Variants in PTPRD observed in about 807,000 individuals in gnomAD.
PTPRD encodes the protein receptor-type tyrosine-protein phosphatase delta.
Under a neutral mutation model 214.5 loss-of-function variants are expected in PTPRD, and 34 were observed. The ratio of observed to expected loss-of-function variants is 0.16; its 90% confidence interval spans 0.12 to 0.21. PTPRD has a LOEUF of 0.21. PTPRD is among the 10% of genes least tolerant of loss of function. The pLI is 1.00. For missense variants in PTPRD, 2,545 were observed against 2,398.7 expected, an observed-to-expected ratio of 1.06 and a Z score of -1.27; for synonymous variants, 1,128 against 845.7, an observed-to-expected ratio of 1.33 and a Z score of -5.79.
intron 11 of PTPRD, among the ~76,000 whole-genome samples, chr9:8,900,405 C>T (rs2098658314): frequency 6.6e-6 from 1 of 152,134 alleles, no homozygotes; most frequent in South Asian, 2.1e-4. Flanking sequence ...CATCTAAAAA[C>T]TGTAATAAAA....
At chr9:9,810,264 T>A (rs1438503136) in intron 5 of PTPRD, among the ~76,000 whole-genome samples, 1 of 152,100 alleles carries the variant, frequency 6.6e-6, no homozygotes, top group Non-Finnish European at 1.5e-5. Flanking sequence ...GTTAATCAAC[T>A]GCTTGTGTTA....
chr9:9,733,675 T>C (rs1405125622), intron 7 of PTPRD, among the ~76,000 whole-genome samples: 3 of 152,160 alleles, frequency 2.0e-5, no homozygotes, highest in Non-Finnish European at 4.4e-5. Flanking sequence ...CTGCAGTCCA[T>C]CAAGTTAGAA....
chr9:8,512,901 A>G (rs1407992286), intron 21 of PTPRD, among the ~76,000 whole-genome samples: 2 of 152,010 alleles, frequency 1.3e-5, no homozygotes, highest in Admixed American at 1.3e-4. Flanking sequence ...CTTCTTTGTC[A>G]GAGTTTTATT....
chr9:10,568,092 A>C (rs1474164809), intron 2 of PTPRD, among the ~76,000 whole-genome samples: 2 of 150,286 alleles, frequency 1.3e-5, no homozygotes, highest in Non-Finnish European at 3.0e-5. Flanking sequence ...CATTAGGTAT[A>C]TCTCCTAATG....
intron 2 of PTPRD, among the ~76,000 whole-genome samples, chr9:10,365,090 G>A (rs916488278): frequency 1.3e-5 from 2 of 151,994 alleles, no homozygotes; most frequent in Non-Finnish European, 2.9e-5. Flanking sequence ...TACCTCAGGC[G>A]AGACTACATT....
intron 7 of PTPRD, among the ~76,000 whole-genome samples, chr9:9,634,459 C>T (rs1205655556): frequency 1.3e-5 from 2 of 152,010 alleles, no homozygotes; most frequent in East Asian, 3.9e-4. Flanking sequence ...TTATACAATC[C>T]ATGAGACTGT....
intron 8 of PTPRD, among the ~76,000 whole-genome samples, chr9:9,518,533 G>A (rs866999210): frequency 1.3e-5 from 2 of 152,010 alleles, no homozygotes; most frequent in African/African-American, 4.8e-5. Flanking sequence ...GGTCAATGCA[G>A]AAATTGATAT....
chr9:10,221,609 A>G, intron 3 of PTPRD, among the ~76,000 whole-genome samples: 1 of 152,014 alleles, frequency 6.6e-6, no homozygotes, highest in African/African-American at 2.4e-5. Context: ...AAATAATACT[A>G]CATACAATGT....
intron 3 of PTPRD, among the ~76,000 whole-genome samples, chr9:10,266,884 T>C (rs1374382081): frequency 6.6e-6 from 1 of 152,024 alleles, no homozygotes; most frequent in East Asian, 1.9e-4. Context: ...CAGGGAATAA[T>C]TTCTGCCTTT....
At chr9:8,804,670 G>C (rs909570867) in intron 11 of PTPRD, among the ~76,000 whole-genome samples, 1 of 142,896 alleles carries the variant, frequency 7.0e-6, no homozygotes. Context: ...CTGGAGAAAC[G>C]TGTGGCATGA....
rs151328973 is a variant in PTPRD, at chr9:9,466,516, G to A, written c.-236-69034C>T. 3.1e-3 allele frequency among the ~76,000 whole-genome samples: 476 copies of A among 152,206 alleles called. 2 individuals are homozygous for A. The highest frequency in any genetic ancestry group is 4.9e-3 in the Non-Finnish European group (331 of 67,998). ...TAATTTAATTGAAGCAAAGGAACTC[G>A]CTGATGAATTATTTTCATTTAATTA... On this transcript the variant is annotated intron_variant, in intron 8 of 45. Coordinates refer to ENST00000381196, the MANE Select transcript of PTPRD (RefSeq NM_002839.4).
intron 10 of PTPRD, among the ~76,000 whole-genome samples, chr9:9,067,659 A>T (rs324509): frequency 2.6e-5 from 4 of 152,158 alleles, no homozygotes. Context: ...TTGTTATAAT[A>T]TAGATTTGCA....
chr9:10,533,897 T>C (rs1161696150), intron 2 of PTPRD, among the ~76,000 whole-genome samples: 1 of 151,748 alleles, frequency 6.6e-6, no homozygotes, highest in African/African-American at 2.4e-5. Context: ...AGTTTCACCT[T>C]TTTTTATTAG....
At chr9:9,777,706 A>C (rs1565185903) in intron 5 of PTPRD, among the ~76,000 whole-genome samples, 1 of 152,172 alleles carries the variant, frequency 6.6e-6, no homozygotes, top group Non-Finnish European at 1.5e-5. Context: ...CAACAACAAA[A>C]ACAAAAAAGT....
chr9:9,794,106 G>A (rs997113442), intron 5 of PTPRD, among the ~76,000 whole-genome samples: 5 of 151,534 alleles, frequency 3.3e-5, no homozygotes, highest in African/African-American at 1.2e-4. Flanking sequence ...CATCAAGAGA[G>A]TTAGACAGAT....
intron 5 of PTPRD, among the ~76,000 whole-genome samples, chr9:9,819,568 G>C (rs2761754): frequency 6.6e-6 from 1 of 151,830 alleles, no homozygotes; most frequent in African/African-American, 2.4e-5. Flanking sequence ...ACCTGTGTAC[G>C]TTGTGTGATG....
intron 43 of PTPRD, among the ~76,000 whole-genome samples, chr9:8,337,529 C>A (rs945209627): frequency 6.6e-6 from 1 of 151,982 alleles, no homozygotes; most frequent in African/African-American, 2.4e-5. Context: ...ACCAAACCAC[C>A]GTGGCACATG....
intron 9 of PTPRD, among the ~76,000 whole-genome samples, chr9:9,374,880 T>A (rs954416621): frequency 1.3e-5 from 2 of 152,170 alleles, no homozygotes; most frequent in East Asian, 3.9e-4. Flanking sequence ...TTATTGTTAT[T>A]AATATCCTAC....
At chr9:10,031,945 G>A (rs544107296) in intron 4 of PTPRD, among the ~76,000 whole-genome samples, 1 of 152,040 alleles carries the variant, frequency 6.6e-6, no homozygotes, top group African/African-American at 2.4e-5. Context: ...CCAAATAAGT[G>A]GAATCAGGAA....
Sources: gnomAD v4.1 joint callset for allele counts (sites outside exome capture counted in the v4.1 genomes callset) on GRCh38, gnomAD v4.1.1 for gene constraint, MANE v1.5 for transcripts, NCBI Gene and HGNC (gene_info 2026-07-23, HGNC 2026-07-21) for gene names.